DGKQ: variants seen among roughly 807,000 people sequenced by gnomAD.
The protein encoded by DGKQ is DAG kinase theta.
A neutral mutation model predicts 104.2 loss-of-function variants in DGKQ; 97 were observed. The ratio of observed to expected loss-of-function variants is 0.93; its 90% CI spans 0.79 to 1.10. The LOEUF is 1.10. Among genes scored for constraint, DGKQ ranks in the 50% least tolerant of loss-of-function variants. DGKQ has a pLI of 0.00. For synonymous variants in DGKQ, 736 were observed against 595.2 expected (o/e 1.24, Z -3.44); for missense variants, 1,465 against 1,352.1 (o/e 1.08, Z -1.31).
rs960398829 is a variant in DGKQ at position 971,471 on chromosome 4, C to T, written c.272-399G>A. 2.0e-5 allele frequency among the ~76,000 whole-genome samples: 3 copies of T among 152,224 alleles called. No homozygotes were observed. Among genetic ancestry groups the T allele is most frequent in the African/African-American group, 7.2e-5 (3 of 41,454 alleles). Reference sequence around the variant, plus strand: ...GGCTTTACCAAGGACATCTGTGTCTCACTCCCCCGAAACTACGCATACCCC... The same window carrying T: ...GGCTTTACCAAGGACATCTGTGTCTTACTCCCCCGAAACTACGCATACCCC... On this transcript the variant is annotated intron_variant, in intron 1 of 22. Transcript: ENST00000273814. This position sits in a 1 kb window ranked among gnomAD's most constrained non-coding sequence, Gnocchi z 4.0.
intron 2 of DGKQ, among the ~76,000 whole-genome samples, chr4:969,128 T>C (rs1479688787): frequency 6.4e-5 from 9 of 141,524 alleles, no homozygotes; most frequent in African/African-American, 8.0e-5. Flanking sequence ...TGTGGCCTCC[T>C]CCAGCAGCCC....
At chr4:966,211 G>T in intron 12 of DGKQ, 133 bp from the exon 13 acceptor site, 1 of 1,038,854 alleles carries the variant, frequency 9.6e-7, no homozygotes. Flanking sequence ...ACAGGAAAAC[G>T]AGGAAAGGGG....
intron 12 of DGKQ, 70 bp from the exon 13 acceptor site, chr4:966,148 C>G: frequency 6.8e-7 from 1 of 1,479,080 alleles, no homozygotes; most frequent in South Asian, 1.3e-5. Flanking sequence ...TCTGTCTCCT[C>G]ACCCGCAAAA....
At position 968,459 on chromosome 4, in the gene DGKQ, C is replaced by G. The variant is rs1204239252; in HGVS notation, c.537+20G>C. The G allele has an allele frequency of 1.9e-6, 3 of 1,599,082 alleles. No individual in the cohort carries two copies. The highest frequency in any genetic ancestry group is 2.2e-5 in the South Asian group (2 of 89,028). Reference sequence around the variant, plus strand: ...GGGCCCGCCCCACCCCCCAGGGCTCCCTGGGGCCGGTACACTCACGTGATC... The same window carrying G: ...GGGCCCGCCCCACCCCCCAGGGCTCGCTGGGGCCGGTACACTCACGTGATC... On this transcript the variant is annotated intron_variant, in intron 4 of 22. Coordinates refer to ENST00000273814, the MANE Select transcript of DGKQ (RefSeq NM_001347.4).
chr4:964,121 GC>G, intron 15 of DGKQ: 1 of 154,788 alleles, frequency 6.5e-6, no homozygotes. Context: ...GCGCGTGTCG[GC>G]CCCAAACCTG....
chr4:968,063 C>T (rs1421830272), intron 5 of DGKQ, 36 bp from the exon 6 acceptor site: 2 of 1,384,932 alleles, frequency 1.4e-6, no homozygotes, highest in Non-Finnish European at 1.9e-6. Flanking sequence ...GGGGTTGGAG[C>T]CAGGGTGCGG....
intron 8 of DGKQ, 32 bp from the exon 9 acceptor site, chr4:967,393 G>A: frequency 6.8e-7 from 1 of 1,479,862 alleles, no homozygotes; most frequent in Non-Finnish European, 9.1e-7. Context: ...GGGCCAAGTT[G>A]TGGGGGGTCA....
In DGKQ at chr4:965,541, G is replaced by A. The variant is rs1213998349; in HGVS notation, c.1580-12C>T. 5 of 1,611,538 alleles carry A rather than the reference G, an allele frequency of 3.1e-6. No homozygotes were observed. The highest frequency in any genetic ancestry group is 2.2e-5 in the South Asian group (2 of 90,682). On this transcript the variant is annotated splice_polypyrimidine_tract_variant and intron_variant, in intron 13 of 22. Coordinates refer to ENST00000273814, the MANE Select transcript of DGKQ (RefSeq NM_001347.4). ...GGACACCACGGTGGCTGCAAAGGCA[G>A]GCTGTGGTCAGGGCGGTGGGAGGCG...
At chr4:970,682 T>A (rs1325819732) in intron 2 of DGKQ, among the ~76,000 whole-genome samples, 1 of 151,960 alleles carries the variant, frequency 6.6e-6, no homozygotes, top group Non-Finnish European at 1.5e-5. Flanking sequence ...TCACGCTGCA[T>A]GTCACAGCCA....
Position 961,541 on chromosome 4 carries a change from C to A in DGKQ, c.2500G>T (p.Asp834Tyr). Residue 834 changes from aspartate (D) to tyrosine (Y), a missense_variant, in exon 21 of 23, where the codon GAC (aspartate) becomes TAC (tyrosine). By Grantham distance (160) the Asp-to-Tyr change is radical. Transcript: ENST00000273814. ...ATGCGTGGCTTCTCAAACCTGGTGT[C>A]GCTGTCGGAGCCCCACAGGTCGGCC... Reference protein sequence around the residue: ...SGADLWGSDSDTRFEKPRMDD... With the variant: ...SGADLWGSDSYTRFEKPRMDD... The A allele has an allele frequency of 6.2e-7, 1 of 1,609,248 alleles. No homozygotes were observed. The highest frequency in any genetic ancestry group is 8.5e-7 in the Non-Finnish European group (1 of 1,178,670).
intron 15 of DGKQ, among the ~76,000 whole-genome samples, chr4:964,382 C>T (rs1445241640): frequency 6.6e-6 from 1 of 152,188 alleles, no homozygotes; most frequent in Non-Finnish European, 1.5e-5. Context: ...CTGGGGGGTC[C>T]TCATGGGACC....
chr4:969,457 A>T (rs1008011313), intron 2 of DGKQ, among the ~76,000 whole-genome samples: 1 of 152,212 alleles, frequency 6.6e-6, no homozygotes, highest in Non-Finnish European at 1.5e-5. Context: ...ACGAGAAGGG[A>T]AGGAGAAGGA....
At chr4:961,865 G>C (rs760854710) in intron 19 of DGKQ, 31 bp from the exon 20 acceptor site, 49 of 1,592,982 alleles carry the variant, frequency 3.1e-5, no homozygotes, top group Non-Finnish European at 3.7e-5. Flanking sequence ...CCCATCACCA[G>C]GGGAAGCCCT....
intron 12 of DGKQ, 124 bp from the exon 13 acceptor site, chr4:966,202 C>G: frequency 2.7e-6 from 3 of 1,113,362 alleles, no homozygotes; most frequent in Non-Finnish European, 3.8e-6. Context: ...ATTAAGTCAA[C>G]AGGAAAACGA....
chr4:961,404 G>A, intron 21 of DGKQ, 63 bp downstream of exon 21: 1 of 1,499,534 alleles, frequency 6.7e-7, no homozygotes, highest in Non-Finnish European at 9.0e-7. Context: ...GAGGCCAGCT[G>A]GGCTCAGCGG....
Position 968,510 on chromosome 4 carries a change from C to T in DGKQ, c.506G>A (p.Arg169His), listed in dbSNP as rs779325711. The change falls in exon 4 of 23, where the codon CGC becomes CAC. Residue 169 changes from arginine (R) to histidine (H), a missense_variant. By Grantham distance (29) the Arg-to-His change is conservative. Coordinates refer to ENST00000273814, the MANE Select transcript of DGKQ (RefSeq NM_001347.4). ...CTGGTGCCCATCCTGGTGGCACTGG[C>T]GGCAGTCACTGCAGGCGAAGGGCAC... ...DCVPFACSDC[R>H]QCHQDGHQDH... The T allele has an allele frequency of 3.1e-6, 5 of 1,608,658 alleles. No individual in the cohort carries two copies. The highest frequency in any genetic ancestry group is 4.2e-6 in the Non-Finnish European group (5 of 1,178,074).
chr4:965,052 T>G, intron 15 of DGKQ, 124 bp downstream of exon 15: 9 of 722,904 alleles, frequency 1.2e-5, no homozygotes, highest in Non-Finnish European at 2.1e-5. Flanking sequence ...CCCCAGTGAA[T>G]TCAAGGAAGT....
At chr4:967,397 G>C (rs1362516659) in intron 8 of DGKQ, 36 bp from the exon 9 acceptor site, 1 of 1,453,852 alleles carries the variant, frequency 6.9e-7, no homozygotes, top group African/African-American at 1.4e-5. Context: ...CAAGTTGTGG[G>C]GGGTCAGGCG....
In DGKQ at chr4:965,305, C is replaced by G. The variant is rs747644399; in HGVS notation, c.1619-14G>C. 40 of 1,610,834 alleles carry G rather than the reference C, an allele frequency of 2.5e-5. No individual in the cohort carries two copies. Among genetic ancestry groups the G allele is most frequent in the Non-Finnish European group, 3.0e-5 (35 of 1,178,418 alleles). ...ACACTACCGCGCCTGCGGCAGGAGCCCAGGACTCAGGGGGAGCCTGTCCCA... is the reference window on the plus strand; with the variant it reads ...ACACTACCGCGCCTGCGGCAGGAGCGCAGGACTCAGGGGGAGCCTGTCCCA... On this transcript the variant is annotated splice_polypyrimidine_tract_variant and intron_variant, in intron 14 of 22. Coordinates refer to ENST00000273814, the MANE Select transcript of DGKQ (RefSeq NM_001347.4).
Sources: gnomAD v4.1 joint callset for allele counts (sites outside exome capture counted in the v4.1 genomes callset) on GRCh38, gnomAD v4.1.1 for gene constraint, Gnocchi (gnomAD v3.1) non-coding constraint, MANE v1.5 for transcripts, NCBI Gene and HGNC (gene_info 2026-07-23, HGNC 2026-07-21) for gene names.